The following MEMO1 variants were observed in gnomAD, a reference collection of about 807,000 sequenced individuals.
MEMO1 encodes protein MEMO1.
Under a neutral mutation model 45.2 loss-of-function variants are expected in MEMO1, and 6 were observed. The observed-to-expected ratio is 0.13, with a 90% CI of 0.07 to 0.26. The LOEUF is 0.26. Ranked by LOEUF, MEMO1 falls within the 10% of genes least tolerant of loss-of-function variation. MEMO1 has a pLI of 1.00. For synonymous variants in MEMO1, 78 were observed against 124.3 expected (o/e 0.63, Z 2.48); for missense variants, 184 against 370.5 (o/e 0.50, Z 4.13).
At chr2:31,877,388 T>C (rs192221810) in intron 8 of MEMO1, among the ~76,000 whole-genome samples, 125 of 152,354 alleles carry the variant, frequency 8.2e-4, no homozygotes, top group African/African-American at 3.0e-3. Flanking sequence ...TGGGACTCAG[T>C]GGGATTCCAG....
intron 2 of MEMO1, among the ~76,000 whole-genome samples, chr2:31,982,649 T>A (rs904973630): frequency 1.3e-5 from 2 of 151,570 alleles, no homozygotes; most frequent in Non-Finnish European, 2.9e-5. Context: ...TTACTTAACT[T>A]TGGGAAATGA....
At chr2:31,923,322 C>G (rs1682608956) in intron 4 of MEMO1, among the ~76,000 whole-genome samples, 1 of 151,978 alleles carries the variant, frequency 6.6e-6, no homozygotes, top group African/African-American at 2.4e-5. Context: ...TGGATTGTTT[C>G]TTGCTCGTTA....
intron 2 of MEMO1, among the ~76,000 whole-genome samples, chr2:31,978,907 G>T (rs1214636711): frequency 6.6e-6 from 1 of 151,758 alleles, no homozygotes; most frequent in Non-Finnish European, 1.5e-5. Flanking sequence ...GCAATACTTT[G>T]CCTATGGAAT....
chr2:31,906,547 A>ACTC (rs1679775344), intron 6 of MEMO1, among the ~76,000 whole-genome samples: 1 of 150,858 alleles, frequency 6.6e-6, no homozygotes, highest in Non-Finnish European at 1.5e-5. Flanking sequence ...ATGGTCTTGA[A>ACTC]CTCCTGACCT....
intron 7 of MEMO1, among the ~76,000 whole-genome samples, chr2:31,885,193 C>T (rs1294131531): frequency 6.6e-6 from 1 of 152,100 alleles, no homozygotes; most frequent in Non-Finnish European, 1.5e-5. Context: ...AATCTCAGCT[C>T]ACTGCAACCT....
chr2:31,958,089 G>A lies in MEMO1; in HGVS notation c.62-14706C>T, dbSNP rs148651162. Among the ~76,000 whole-genome samples the A allele has an allele frequency of 1.5e-3, 232 of 151,982 alleles. 1 individual carries two copies. Among genetic ancestry groups the A allele is most frequent in the Non-Finnish European group, 3.0e-3 (201 of 67,964 alleles). On this transcript the variant is annotated intron_variant, in intron 2 of 9. Transcript: ENST00000404530. The stretch of plus-strand genomic sequence containing the variant: ...GGGCATGCCAGGTTTCAGATGTGCA[G>A]GGGAATAAAAAAAGGTAATCAGATA...
chr2:31,996,448 G>A (rs1465264162), intron 2 of MEMO1, among the ~76,000 whole-genome samples: 3 of 152,022 alleles, frequency 2.0e-5, no homozygotes, highest in Admixed American at 2.0e-4. Flanking sequence ...GGAGGCTAAG[G>A]CAGGAGAATC....
At chr2:31,990,323 G>A (rs370215858) in intron 2 of MEMO1, among the ~76,000 whole-genome samples, 6 of 152,092 alleles carry the variant, frequency 3.9e-5, no homozygotes, top group Non-Finnish European at 2.9e-5. Flanking sequence ...TTCTTGTTCC[G>A]AAAGATAGTT....
At chr2:31,971,616 A>G (rs910356364) in intron 2 of MEMO1, among the ~76,000 whole-genome samples, 4 of 152,114 alleles carry the variant, frequency 2.6e-5, no homozygotes, top group African/African-American at 9.7e-5. Flanking sequence ...GCTCAAAAAA[A>G]CCTTCCACCT....
At chr2:31,875,830 G>C (rs934951096) in intron 8 of MEMO1, among the ~76,000 whole-genome samples, 7 of 152,068 alleles carry the variant, frequency 4.6e-5, no homozygotes, top group African/African-American at 1.4e-4. Flanking sequence ...GGGACTACAG[G>C]CATGCACCAC....
intron 8 of MEMO1, among the ~76,000 whole-genome samples, chr2:31,874,464 T>A (rs1674263511): frequency 6.6e-6 from 1 of 152,116 alleles, no homozygotes; most frequent in South Asian, 2.1e-4. Flanking sequence ...TTCACATAAT[T>A]AATTTCTAAG....
intron 3 of MEMO1, among the ~76,000 whole-genome samples, chr2:31,940,356 G>T (rs140751849): frequency 1.3e-5 from 2 of 151,974 alleles, no homozygotes; most frequent in African/African-American, 2.4e-5. Context: ...TCTCCATTTG[G>T]ATATCTAATA....
chr2:31,977,725 A>G (rs1214959044), intron 2 of MEMO1, among the ~76,000 whole-genome samples: 1 of 151,938 alleles, frequency 6.6e-6, no homozygotes, highest in Non-Finnish European at 1.5e-5. Flanking sequence ...TAGAGGTGGG[A>G]TTTCACCATG....
intron 2 of MEMO1, among the ~76,000 whole-genome samples, chr2:32,005,356 C>T (rs1673936298): frequency 6.8e-6 from 1 of 147,272 alleles, no homozygotes; most frequent in Admixed American, 6.8e-5. Context: ...AGAATACATA[C>T]TATATAATTC....
rs189731597 is a variant in MEMO1, at chr2:31,938,344, G to T, written c.143+4958C>A. Among the ~76,000 whole-genome samples, 463 of 151,056 alleles carry T rather than the reference G, an allele frequency of 3.1e-3. 3 individuals are homozygous for T. The highest frequency in any genetic ancestry group is 4.6e-3 in the Non-Finnish European group (309 of 67,768). ...CATGATATGATTTATGCCTATAAAG[G>T]TAAAAAAAAAAAACTAAGAAGGCCA... On this transcript the variant is annotated intron_variant, in intron 3 of 9. Coordinates refer to ENST00000404530, the MANE Select transcript of MEMO1 (RefSeq NM_001301833.4).
rs142097038 is a variant in MEMO1 at position 31,910,646 on chromosome 2, G to A, written c.437+7280C>T. Among the ~76,000 whole-genome samples the A allele has an allele frequency of 1.1e-4, 16 of 152,206 alleles. No individual in the cohort carries two copies. The East Asian group carries it at 2.9e-3, about 28-fold the overall frequency. Reference sequence around the variant, plus strand: ...AGGACAAGACAGGAGGATCACTTGAGCCCATGAGTTCAAGACCAGCCTGGG... The same window carrying A: ...AGGACAAGACAGGAGGATCACTTGAACCCATGAGTTCAAGACCAGCCTGGG... On this transcript the variant is annotated intron_variant, in intron 6 of 9. Coordinates refer to ENST00000404530, the MANE Select transcript of MEMO1 (RefSeq NM_001301833.4).
intron 8 of MEMO1, among the ~76,000 whole-genome samples, chr2:31,876,578 T>C (rs552928453): frequency 3.3e-5 from 5 of 152,280 alleles, no homozygotes; most frequent in East Asian, 3.9e-4. Context: ...TCAAAAATAA[T>C]TGGCAAAATG....
intron 2 of MEMO1, among the ~76,000 whole-genome samples, chr2:31,987,021 T>G (rs1558556995): frequency 6.6e-6 from 1 of 152,164 alleles, no homozygotes; most frequent in East Asian, 1.9e-4. Flanking sequence ...TGTTTTTGTT[T>G]GAGATGTGTT....
chr2:31,914,960 T>TC (rs1681204737), intron 6 of MEMO1, among the ~76,000 whole-genome samples: 1 of 122,752 alleles, frequency 8.1e-6, no homozygotes, highest in East Asian at 3.0e-4. Flanking sequence ...CTGTCTCTTT[T>TC]TAAAAAAAAA....
Sources: allele counts gnomAD v4.1 joint callset (sites outside exome capture counted in the v4.1 genomes callset), GRCh38; gene constraint gnomAD v4.1.1; transcripts MANE v1.5; gene names NCBI Gene and HGNC (gene_info 2026-07-23, HGNC 2026-07-21).